TMEM178B: variants seen among roughly 807,000 people sequenced by gnomAD.
TMEM178B encodes transmembrane protein 178B.
In TMEM178B, 5 loss-of-function variants were observed where a neutral mutation model predicts 31.0. The observed-to-expected ratio is 0.16, with a 90% CI of 0.08 to 0.34. The LOEUF (loss-of-function observed/expected upper bound fraction) is 0.34. TMEM178B is among the 10% of genes least tolerant of loss of function. The pLI, the probability that TMEM178B is intolerant of heterozygous loss-of-function variation, is 1.00. For missense variants in TMEM178B, 275 were observed against 400.3 expected (o/e 0.69, Z 2.67); for synonymous variants, 164 against 164.0 (o/e 1.00, Z 0.00).
intron 3 of TMEM178B, among the ~76,000 whole-genome samples, chr7:141,441,325 T>C (rs1360273082): frequency 6.6e-6 from 1 of 152,170 alleles, no homozygotes; most frequent in East Asian, 1.9e-4. Context: ...TAGGAGTTAA[T>C]CTTTAGGGGT....
chr7:141,275,616 G>C (rs371469321), intron 2 of TMEM178B, among the ~76,000 whole-genome samples: 34 of 152,296 alleles, frequency 2.2e-4, no homozygotes, highest in African/African-American at 7.5e-4. Context: ...CTGAAAGCAG[G>C]ATAAAGAAGT....
At chr7:141,133,494 G>A (rs1795627224) in intron 1 of TMEM178B, among the ~76,000 whole-genome samples, 1 of 152,012 alleles carries the variant, frequency 6.6e-6, no homozygotes, top group African/African-American at 2.4e-5. Flanking sequence ...GCAGAAGAAA[G>A]ATTTTCTGTT....
At chr7:141,106,533 G>C (rs1586771825) in intron 1 of TMEM178B, among the ~76,000 whole-genome samples, 1 of 152,292 alleles carries the variant, frequency 6.6e-6, no homozygotes, top group East Asian at 1.9e-4. Context: ...TAGGTTGACG[G>C]GTTGTGAGAA....
In TMEM178B at chr7:141,118,370, T is replaced by A. The variant is rs1795354395; in HGVS notation, c.382+43678T>A. ...GGGTTTCAATCTTAGCTTCTGCATT[T>A]GCTATGTGACATGAGACAAGTTACT... On this transcript the variant is annotated intron_variant, in intron 1 of 3. Coordinates refer to ENST00000565468, the MANE Select transcript of TMEM178B (RefSeq NM_001195278.2). Among the ~76,000 whole-genome samples, 6 of 152,368 alleles carry A rather than the reference T, an allele frequency of 3.9e-5. No homozygotes were observed. In the South Asian group the frequency reaches 1.2e-3, roughly 32 times the overall value.
At chr7:141,451,638 A>G (rs1235310270) in intron 3 of TMEM178B, among the ~76,000 whole-genome samples, 1 of 152,234 alleles carries the variant, frequency 6.6e-6, no homozygotes, top group Non-Finnish European at 1.5e-5. Context: ...TGCATGGTAC[A>G]TGAAGGGCAG....
intron 2 of TMEM178B, among the ~76,000 whole-genome samples, chr7:141,254,383 G>A (rs1275312785): frequency 3.3e-5 from 5 of 152,126 alleles, no homozygotes; most frequent in Admixed American, 6.5e-5. Context: ...TGCCCTCCTC[G>A]GCTTGTCTCA....
intron 1 of TMEM178B, among the ~76,000 whole-genome samples, chr7:141,135,118 GA>G (rs945690251): frequency 6.6e-6 from 1 of 152,084 alleles, no homozygotes; most frequent in African/African-American, 2.4e-5. Flanking sequence ...CCAGCCATGT[GA>G]AAAAGAGACA....
At chr7:141,124,379 A>C (rs146247400) in intron 1 of TMEM178B, among the ~76,000 whole-genome samples, 1 of 151,962 alleles carries the variant, frequency 6.6e-6, no homozygotes, top group African/African-American at 2.4e-5. Flanking sequence ...AAAAAAATAG[A>C]AAAAAAAGTT....
Position 141,116,011 on chromosome 7 carries a change from G to A in TMEM178B, c.382+41319G>A, listed in dbSNP as rs113592929. On this transcript the variant is annotated intron_variant, in intron 1 of 3. Coordinates refer to ENST00000565468, the MANE Select transcript of TMEM178B (RefSeq NM_001195278.2). ...ACATTAATTTAATGTGATGGATGAT[G>A]TTTTTTACTCAAATGAAATTGCTCT... Among the ~76,000 whole-genome samples, 471 of 152,308 alleles carry A rather than the reference G, an allele frequency of 3.1e-3. 2 individuals are homozygous for A. Among genetic ancestry groups the A allele is most frequent in the South Asian group, 0.023 (112 of 4,820 alleles).
chr7:141,305,417 C>G (rs1039388377), intron 2 of TMEM178B, among the ~76,000 whole-genome samples: 7 of 151,944 alleles, frequency 4.6e-5, no homozygotes, highest in Non-Finnish European at 1.0e-4. Flanking sequence ...CAGATTAGGC[C>G]CTGTGCTTTT....
intron 2 of TMEM178B, among the ~76,000 whole-genome samples, chr7:141,382,057 G>A (rs903140363): frequency 2.0e-5 from 3 of 152,128 alleles, no homozygotes; most frequent in African/African-American, 4.8e-5. Flanking sequence ...CCCATTCAAC[G>A]AAGTATGATC....
chr7:141,443,075 G>C (rs1180346321), intron 3 of TMEM178B, among the ~76,000 whole-genome samples: 1 of 152,186 alleles, frequency 6.6e-6, no homozygotes. Context: ...GAGAATCTCT[G>C]ACTTCTTCCA....
rs527617385 is a variant in TMEM178B, at chr7:141,269,091, T to A, written c.496+56387T>A. Among the ~76,000 whole-genome samples the A allele has an allele frequency of 4.9e-5, 6 of 122,986 alleles. No individual in the cohort carries two copies. In the East Asian group the frequency reaches 1.3e-3, roughly 27 times the overall value. The allele number at this position is 122,986 out of a possible 152,430, so 80.7% of individuals were successfully genotyped here. A position where few individuals can be genotyped will look rare whatever the true frequency, so the allele number is the denominator to read the frequency against. On this transcript the variant is annotated intron_variant, in intron 2 of 3. Coordinates refer to ENST00000565468, the MANE Select transcript of TMEM178B (RefSeq NM_001195278.2). The stretch of plus-strand genomic sequence containing the variant: ...ATGATTTCTGTTTGTTTCCTAATTT[T>A]TTTTCTTTTTTTTTTTTTTGAGACA...
chr7:141,074,701 C>A lies in TMEM178B; in HGVS notation c.382+9C>A. 6.8e-7 allele frequency: 1 copy of A among 1,478,136 alleles called. No homozygotes were observed. The highest frequency in any genetic ancestry group is 1.3e-5 in the South Asian group (1 of 75,450). 91.6% of individuals were successfully genotyped at this position (1,478,136 alleles called of 1,614,324 possible). On this transcript the variant is annotated intron_variant, in intron 1 of 3. Coordinates refer to ENST00000565468, the MANE Select transcript of TMEM178B (RefSeq NM_001195278.2). This position sits in a 1 kb window ranked among gnomAD's most constrained non-coding sequence, Gnocchi z 5.1. ...CGCCCTCATTCGGAAAGGTAAGCGC[C>A]GGGCGCAAGGCGTGGCGCTGCGGAG... is the stretch of plus-strand genomic sequence containing the variant.
intron 2 of TMEM178B, among the ~76,000 whole-genome samples, chr7:141,241,742 A>G (rs1356013834): frequency 6.6e-6 from 1 of 152,174 alleles, no homozygotes; most frequent in Non-Finnish European, 1.5e-5. Flanking sequence ...GGCTAGTTGA[A>G]ACACATGAAC....
At chr7:141,106,357 G>T (rs1437214105) in intron 1 of TMEM178B, among the ~76,000 whole-genome samples, 1 of 152,174 alleles carries the variant, frequency 6.6e-6, no homozygotes, top group Admixed American at 6.5e-5. Context: ...TAATTTAACA[G>T]TATTTGTATA....
At chr7:141,366,033 G>T (rs1408006430) in intron 2 of TMEM178B, among the ~76,000 whole-genome samples, 1 of 152,128 alleles carries the variant, frequency 6.6e-6, no homozygotes, top group Non-Finnish European at 1.5e-5. Flanking sequence ...AATAATGTTG[G>T]GAGAAACGTT....
At chr7:141,248,633 T>C (rs992940117) in intron 2 of TMEM178B, among the ~76,000 whole-genome samples, 1 of 152,208 alleles carries the variant, frequency 6.6e-6, no homozygotes, top group African/African-American at 2.4e-5. Flanking sequence ...TAAGTATTTG[T>C]ATATCGAAAT....
rs1007973017 is a variant in TMEM178B, at chr7:141,088,632, C to G, written c.382+13940C>G. The stretch of plus-strand genomic sequence containing the variant: ...ATCTCCACTAGGATCACCCATGGGT[C>G]CAAAGGAATCTATTTCATCTTTTTC... On this transcript the variant is annotated intron_variant, in intron 1 of 3. Coordinates refer to ENST00000565468, the MANE Select transcript of TMEM178B (RefSeq NM_001195278.2). 8.5e-5 allele frequency among the ~76,000 whole-genome samples: 13 copies of G among 152,234 alleles called. No homozygotes were observed. The South Asian group carries it at 2.7e-3, about 32-fold the overall frequency.
Sources: allele counts gnomAD v4.1 joint callset (sites outside exome capture counted in the v4.1 genomes callset), GRCh38; gene constraint gnomAD v4.1.1; non-coding constraint Gnocchi (gnomAD v3.1); transcripts MANE v1.5; gene names NCBI Gene and HGNC (gene_info 2026-07-23, HGNC 2026-07-21).